The following CDC42BPG variants were observed in gnomAD, a reference collection of about 807,000 sequenced individuals.
The protein encoded by CDC42BPG is serine/threonine-protein kinase MRCK gamma.
CDC42BPG carries 157 observed loss-of-function variants against 192.2 expected under a neutral mutation model. That is an observed-to-expected ratio of 0.82 (90% confidence interval 0.72 to 0.93). The LOEUF is 0.93. Among genes scored for constraint, CDC42BPG ranks in the 40% least tolerant of loss-of-function variants. CDC42BPG has a pLI of 0.00. For missense variants in CDC42BPG, 1,992 were observed against 2,122.1 expected, an observed-to-expected ratio of 0.94 and a Z score of 1.20; for synonymous variants, 981 against 918.5, an observed-to-expected ratio of 1.07 and a Z score of -1.23.
Position 64,839,072 on chromosome 11 carries a change from C to T in CDC42BPG, c.837G>A (p.Glu279=), listed in dbSNP as rs776275494. The T allele has an allele frequency of 5.6e-6, 9 of 1,613,680 alleles. No homozygotes were observed. Among genetic ancestry groups the T allele is most frequent in the Middle Eastern group, 1.6e-4 (1 of 6,062 alleles). The change falls in exon 7 of 37, where the codon GAG becomes GAA. Residue 279 remains glutamate, a synonymous_variant. Coordinates refer to ENST00000342711, the MANE Select transcript of CDC42BPG (RefSeq NM_017525.3). The part of the protein sequence containing the change: ...LLFGETPFYA[E]SLVETYGKIM... ...TCTTGCCGTAGGTTTCCACCAAGGACTCAGCATAGAAGGGCGTCTCCCCAA... is the reference window on the plus strand; with the variant it reads ...TCTTGCCGTAGGTTTCCACCAAGGATTCAGCATAGAAGGGCGTCTCCCCAA...
At chr11:64,836,705 C>CG in intron 11 of CDC42BPG, 34 bp downstream of exon 11, 1 of 352,550 alleles carries the variant, frequency 2.8e-6, no homozygotes, top group Non-Finnish European at 4.2e-6. Flanking sequence ...GGACTCAGCC[C>CG]TGGGGGGGGG....
chr11:64,841,768 C>A, intron 2 of CDC42BPG, 35 bp from the exon 3 acceptor site: 1 of 1,613,020 alleles, frequency 6.2e-7, no homozygotes, highest in Non-Finnish European at 8.5e-7. Context: ...TGAGCCCAGC[C>A]CGGTGTGAAC....
In CDC42BPG at chr11:64,827,104, G is replaced by A. The variant is rs368121350; in HGVS notation, c.4335C>T (p.His1445=). The change falls in exon 34 of 37, where the codon CAC becomes CAT. Residue 1445 remains histidine, a synonymous_variant. Coordinates refer to ENST00000342711, the MANE Select transcript of CDC42BPG (RefSeq NM_017525.3). ...KLISPPTNFN[H]LVHVGPANGR... is the part of the protein sequence containing the mutation. ...CGTTGGCAGGGCCCACGTGTACTAG[G>A]TGGTTGAAGTTGGTAGGCGGCGAGA... The A allele has an allele frequency of 8.1e-6, 13 of 1,614,000 alleles. No homozygotes were observed. The highest frequency in any genetic ancestry group is 1.7e-5 in the Admixed American group (1 of 60,004).
intron 36 of CDC42BPG, among the ~76,000 whole-genome samples, chr11:64,825,236 T>C (rs1319165089): frequency 6.6e-6 from 1 of 152,090 alleles, no homozygotes; most frequent in Admixed American, 6.6e-5. Context: ...CTTTGTTCAT[T>C]CACTCCATTC....
rs1240619946 is a variant in CDC42BPG at position 64,836,103 on chromosome 11, C to T, written c.1668+14G>A. 6 of 1,591,258 alleles carry T rather than the reference C, an allele frequency of 3.8e-6. No individual in the cohort carries two copies. In the South Asian group the frequency reaches 5.7e-5, roughly 15 times the overall value. ...AGGGCCCAGGTGCTGTCCCTACCCA[C>T]CCTGGTCACTCACCTCCCTCTGGGC... On this transcript the variant is annotated intron_variant, in intron 13 of 36. Transcript: ENST00000342711.
intron 27 of CDC42BPG, 24 bp from the exon 28 acceptor site, chr11:64,831,745 A>C (rs1942703311): frequency 1.3e-6 from 2 of 1,557,152 alleles, no homozygotes; most frequent in Non-Finnish European, 1.7e-6. Flanking sequence ...CCCCAGCTGG[A>C]GGGCCGTGGA....
chr11:64,824,493 C>T lies in CDC42BPG; in HGVS notation c.4636G>A (p.Glu1546Lys), dbSNP rs1942344181. 1.9e-6 allele frequency: 3 copies of T among 1,607,394 alleles called. No individual in the cohort carries two copies. Among genetic ancestry groups the T allele is most frequent in the South Asian group, 2.2e-5 (2 of 90,988 alleles). Residue 1546 changes from glutamate (E) to lysine (K), a missense_variant, in exon 37 of 37, where the codon GAA (glutamate) becomes AAA (lysine). Around this residue, in one of 2 missense-constraint regions of CDC42BPG, gnomAD observed 336 missense variants for 277.9 expected, o/e 1.21. Transcript: ENST00000342711. ...ERPRSLPLSP[E>K]LESSP ...GGGCATCAAGGAGAGCTCTCCAATT[C>T]AGGGGATAGGGGGAGGCTTCGGGGC... is the stretch of plus-strand genomic sequence containing the variant.
At chr11:64,840,765 T>C (rs1369125755) in intron 3 of CDC42BPG, 117 bp from the exon 4 acceptor site, 2 of 840,754 alleles carry the variant, frequency 2.4e-6, no homozygotes, top group Non-Finnish European at 3.9e-6. Flanking sequence ...ATGGAGGTCA[T>C]AGCTCTACTG....
At chr11:64,840,827 C>G (rs1184743558) in intron 3 of CDC42BPG, among the ~76,000 whole-genome samples, 179 bp from the exon 4 acceptor site, 1 of 152,192 alleles carries the variant, frequency 6.6e-6, no homozygotes, top group African/African-American at 2.4e-5. Context: ...AGCTCTGGGC[C>G]TCAGTGTGAC....
chr11:64,840,085 C>T (rs764550425), intron 5 of CDC42BPG, 35 bp downstream of exon 5: 99 of 1,588,728 alleles, frequency 6.2e-5, no homozygotes, highest in African/African-American at 5.6e-4. Context: ...GGCAGGGCAG[C>T]GGGGTTGGGC....
intron 5 of CDC42BPG, 135 bp from the exon 6 acceptor site, chr11:64,839,706 G>C: frequency 4.5e-6 from 3 of 665,890 alleles, no homozygotes; most frequent in Non-Finnish European, 7.8e-6. Context: ...GTGCTCATGT[G>C]ATGAGCAACG....
Position 64,824,167 on chromosome 11 carries a change from G to T in CDC42BPG, c.*306C>A. 2.3e-6 allele frequency: 1 copy of T among 440,960 alleles called. No homozygotes were observed. Among genetic ancestry groups the T allele is most frequent in the Non-Finnish European group, 4.2e-6 (1 of 237,406 alleles). The allele number at this position is 440,960 out of a possible 1,614,324, so 27.3% of individuals were successfully genotyped here. On this transcript the variant is annotated 3_prime_UTR_variant, in exon 37 of 37. Coordinates refer to ENST00000342711, the MANE Select transcript of CDC42BPG (RefSeq NM_017525.3). ...TCCCAACTCTTACAAGCCTCTGGGG[G>T]CTTGGCACTGGAAATAAGAGCTTTG...
At position 64,840,547 on chromosome 11, in the gene CDC42BPG, C is replaced by T. The variant is rs1565699362; in HGVS notation, c.432+6G>A. The stretch of plus-strand genomic sequence containing the variant: ...GTTCCCCTCCAGCCCCGCCACGTAT[C>T]CTCACCAGGTACTCCTCGTCTTGGA... On this transcript the variant is annotated splice_donor_region_variant and intron_variant, in intron 4 of 36. Coordinates refer to ENST00000342711, the MANE Select transcript of CDC42BPG (RefSeq NM_017525.3). The T allele has an allele frequency of 1.2e-6, 2 of 1,613,636 alleles. No homozygotes were observed. Among genetic ancestry groups the T allele is most frequent in the Non-Finnish European group, 1.7e-6 (2 of 1,179,690 alleles).
chr11:64,836,041 C>A, intron 13 of CDC42BPG, 76 bp downstream of exon 13: 1 of 1,477,398 alleles, frequency 6.8e-7, no homozygotes. Context: ...GCATCTCCCA[C>A]CAAGCTCCCC....
rs187998076 is a variant in CDC42BPG at position 64,823,554 on chromosome 11, G to C, written c.*919C>G. On this transcript the variant is annotated 3_prime_UTR_variant, in exon 37 of 37. Coordinates refer to ENST00000342711, the MANE Select transcript of CDC42BPG (RefSeq NM_017525.3). Reference sequence around the variant, plus strand: ...ATGACTGTGATCAATAGTAAAATGCGCCCTAGTTTCCAATACACAACTGGT... The same window carrying C: ...ATGACTGTGATCAATAGTAAAATGCCCCCTAGTTTCCAATACACAACTGGT... 1.3e-5 allele frequency: 2 copies of C among 152,022 alleles called. No homozygotes were observed. The highest frequency in any genetic ancestry group is 4.8e-5 in the African/African-American group (2 of 41,388). The allele number at this position is 152,022 out of a possible 1,614,324, so 9.4% of individuals were successfully genotyped here. A position where few individuals can be genotyped will look rare whatever the true frequency, so the allele number is the denominator to read the frequency against.
intron 9 of CDC42BPG, 148 bp downstream of exon 9, chr11:64,837,935 C>G (rs925260223): frequency 5.7e-6 from 4 of 701,334 alleles, no homozygotes; most frequent in South Asian, 3.3e-5. Context: ...ACCAGGACCC[C>G]GAGGATGAGG....
rs1565701573 is a variant in CDC42BPG at position 64,841,795 on chromosome 11, C to A, written c.252+18G>T. The A allele has an allele frequency of 6.2e-7, 1 of 1,613,774 alleles. No homozygotes were observed. On this transcript the variant is annotated intron_variant, in intron 2 of 36. Coordinates refer to ENST00000342711, the MANE Select transcript of CDC42BPG (RefSeq NM_017525.3). ...GGTGTGAACACCTCCCCCCACCTAC[C>A]CCAGGCCCTTTGCTCACCTCCCCAA...
At position 64,823,089 on chromosome 11, in the gene CDC42BPG, C is replaced by CTTT. The variant is rs67018116; in HGVS notation, c.*1381_*1383dup. On this transcript the variant is annotated 3_prime_UTR_variant, in exon 37 of 37. Transcript: ENST00000342711. ...GTCTTTATTGGTTTCCTTTTCTTTT[C>CTTT]TTTTTTTTTTTTTTTGAGACGGAGT... is the stretch of plus-strand genomic sequence containing the variant. Among the ~76,000 whole-genome samples the CTTT allele has an allele frequency of 4.4e-5, 6 of 137,716 alleles. No homozygotes were observed. Among genetic ancestry groups the CTTT allele is most frequent in the South Asian group, 2.3e-4 (1 of 4,352 alleles). 90.3% of individuals were successfully genotyped at this position (137,716 alleles called of 152,430 possible).
intron 4 of CDC42BPG, 85 bp downstream of exon 4, chr11:64,840,468 C>G (rs1216933545): frequency 1.4e-6 from 2 of 1,477,256 alleles, no homozygotes; most frequent in East Asian, 4.6e-5. Flanking sequence ...AGAGGGGTCT[C>G]TCTTTGGGCC....
Sources: gnomAD v4.1 joint callset for allele counts (sites outside exome capture counted in the v4.1 genomes callset) on GRCh38, gnomAD v4.1.1 for gene constraint, gnomAD v4.1.1 regional missense constraint, MANE v1.5 for transcripts, NCBI Gene and HGNC (gene_info 2026-07-23, HGNC 2026-07-21) for gene names.